Variants in MKRN2 observed in about 807,000 individuals in gnomAD.
MKRN2 encodes makorin ring finger protein 2, also known as E3 ubiquitin-protein ligase makorin-2.
MKRN2 carries 32 observed loss-of-function variants against 45.4 expected under a neutral mutation model. That is an observed-to-expected ratio of 0.70 (90% CI 0.53 to 0.95). The LOEUF is 0.95. Ranked by LOEUF, MKRN2 falls within the 40% of genes least tolerant of loss-of-function variation. The pLI is 0.00. For synonymous variants in MKRN2, 206 were observed against 192.4 expected (o/e 1.07, Z -0.59); for missense variants, 526 against 536.7 (o/e 0.98, Z 0.20).
chr3:12,572,757 G>A (rs1423909258), intron 4 of MKRN2, among the ~76,000 whole-genome samples: 1 of 151,716 alleles, frequency 6.6e-6, no homozygotes, highest in Non-Finnish European at 1.5e-5. Context: ...GCTACTTTTT[G>A]TATTTTTAGG....
At chr3:12,567,679 C>T (rs2058077497) in intron 1 of MKRN2, among the ~76,000 whole-genome samples, 1 of 151,834 alleles carries the variant, frequency 6.6e-6, no homozygotes, top group South Asian at 2.1e-4. Context: ...TTAGTAGAGA[C>T]GGGGTTTCTC....
intron 3 of MKRN2, 86 bp downstream of exon 3, chr3:12,570,338 A>C: frequency 1.5e-6 from 2 of 1,374,068 alleles, no homozygotes; most frequent in Non-Finnish European, 2.0e-6. Flanking sequence ...CCTCTTGTCA[A>C]GAGGACTCCT....
chr3:12,572,422 T>C, intron 4 of MKRN2, 49 bp downstream of exon 4: 1 of 1,498,516 alleles, frequency 6.7e-7, no homozygotes, highest in Non-Finnish European at 9.0e-7. Context: ...ATCTGAAATG[T>C]ACTGAACAGG....
At chr3:12,581,673 C>G (rs766430667) in intron 6 of MKRN2, 135 bp from the exon 7 acceptor site, 157 of 921,666 alleles carry the variant, frequency 1.7e-4, no homozygotes, top group Non-Finnish European at 2.5e-4. Context: ...CCTCTCCCAG[C>G]CTCAGCTGCC....
intron 3 of MKRN2, among the ~76,000 whole-genome samples, chr3:12,571,221 T>C (rs2648306): frequency 0.64 from 97,682 of 151,922 alleles, 33,743 homozygotes; most frequent in African/African-American, 0.88. Context: ...AGGGATTCTC[T>C]TGCCTCAGCC....
chr3:12,565,139 A>G (rs905930277), intron 1 of MKRN2, among the ~76,000 whole-genome samples: 7 of 152,244 alleles, frequency 4.6e-5, no homozygotes, highest in Non-Finnish European at 8.8e-5. Flanking sequence ...GTACATACCT[A>G]GGCGTAGAAT....
chr3:12,573,267 G>A (rs1483155363), intron 4 of MKRN2, among the ~76,000 whole-genome samples: 1 of 152,068 alleles, frequency 6.6e-6, no homozygotes, highest in Non-Finnish European at 1.5e-5. Flanking sequence ...ACTCACACCT[G>A]TAATCCCAGC....
chr3:12,563,374 C>T (rs1016528904), intron 1 of MKRN2, among the ~76,000 whole-genome samples: 21 of 151,696 alleles, frequency 1.4e-4, no homozygotes, highest in African/African-American at 4.1e-4. Context: ...CTGATTGGGG[C>T]GGATGTGCAG....
At chr3:12,575,459 C>G (rs970826520) in intron 5 of MKRN2, among the ~76,000 whole-genome samples, 3 of 152,278 alleles carry the variant, frequency 2.0e-5, no homozygotes, top group African/African-American at 7.2e-5. Context: ...ATGGGATGTG[C>G]TCAATGTGGC....
chr3:12,576,941 T>G (rs1035388577), intron 6 of MKRN2, 200 bp downstream of exon 6: 41 of 257,640 alleles, frequency 1.6e-4, no homozygotes, highest in Middle Eastern at 1.1e-3. Context: ...GTGTTTTTTT[T>G]TTTTTTTTTT....
At chr3:12,559,793 G>A (rs756956705) in intron 1 of MKRN2, among the ~76,000 whole-genome samples, 2 of 152,036 alleles carry the variant, frequency 1.3e-5, no homozygotes, top group Admixed American at 6.6e-5. Flanking sequence ...GTCTGTTTTC[G>A]GAGCCCTGGG....
chr3:12,572,335 C>A lies in MKRN2; in HGVS notation c.604C>A (p.His202Asn). The A allele has an allele frequency of 6.2e-7, 1 of 1,602,484 alleles. No homozygotes were observed. Among genetic ancestry groups the A allele is most frequent in the Non-Finnish European group, 8.5e-7 (1 of 1,171,726 alleles). Reference sequence around the variant, plus strand: ...TGAAATCTGTAGGCTGCAAGTCTTGCACCCATTCGACCCAGAGCAGAGGAA... The same window carrying A: ...TGAAATCTGTAGGCTGCAAGTCTTGAACCCATTCGACCCAGAGCAGAGGAA... ...VCEICRLQVL[H>N]PFDPEQRKAH... The change falls in exon 4 of 8, where the codon CAC becomes AAC. Residue 202 changes from histidine to asparagine, a missense_variant. His to Asn is a moderately conservative substitution (Grantham distance 68). Coordinates refer to ENST00000170447, the MANE Select transcript of MKRN2 (RefSeq NM_014160.5).
At chr3:12,574,563 C>T (rs1469739451) in intron 4 of MKRN2, among the ~76,000 whole-genome samples, 1 of 152,178 alleles carries the variant, frequency 6.6e-6, no homozygotes, top group Admixed American at 6.5e-5. Context: ...GACCATGTCA[C>T]CTCCTAGGAA....
chr3:12,566,633 G>T (rs551888515), intron 1 of MKRN2, among the ~76,000 whole-genome samples: 1 of 151,910 alleles, frequency 6.6e-6, no homozygotes, highest in Non-Finnish European at 1.5e-5. Context: ...GTGGAGTTTC[G>T]CTCTTATTGC....
At chr3:12,575,885 T>C (rs938919660) in intron 5 of MKRN2, among the ~76,000 whole-genome samples, 1 of 151,942 alleles carries the variant, frequency 6.6e-6, no homozygotes, top group African/African-American at 2.4e-5. Context: ...TGTTCCATTG[T>C]ATGGACGCAG....
Position 12,574,791 on chromosome 3 carries a change from G to T in MKRN2, c.643-1G>T. On this transcript the variant is annotated splice_acceptor_variant, in intron 4 of 7. Transcript: ENST00000170447. LOFTEE classifies it high-confidence loss of function. ...AGCCTTCCTTCCTGTCTGTGCTTCA[G>T]ATCTGCATGTTGACGTTCGAACACG... The T allele has an allele frequency of 6.2e-7, 1 of 1,612,508 alleles. No individual in the cohort carries two copies. The highest frequency in any genetic ancestry group is 1.1e-5 in the South Asian group (1 of 91,010).
At chr3:12,575,193 G>A (rs540491187) in intron 5 of MKRN2, among the ~76,000 whole-genome samples, 187 bp downstream of exon 5, 1 of 152,098 alleles carries the variant, frequency 6.6e-6, no homozygotes, top group African/African-American at 2.4e-5. Flanking sequence ...TAAAAGATGG[G>A]CAACAATTCC....
At position 12,567,723 on chromosome 3, in the gene MKRN2, T is replaced by G. The variant is rs574223049; in HGVS notation, c.27-1152T>G. On this transcript the variant is annotated intron_variant, in intron 1 of 7. Coordinates refer to ENST00000170447, the MANE Select transcript of MKRN2 (RefSeq NM_014160.5). Reference sequence around the variant, plus strand: ...TCAGACTGGTCTGGAACCCCCGACCTCAGGTGATGCGCCCGCCTTGGCCTC... The same window carrying G: ...TCAGACTGGTCTGGAACCCCCGACCGCAGGTGATGCGCCCGCCTTGGCCTC... Among the ~76,000 whole-genome samples the G allele has an allele frequency of 4.1e-4, 62 of 152,134 alleles. 1 individual carries two copies. The highest frequency in any genetic ancestry group is 1.3e-3 in the African/African-American group (56 of 41,506).
At chr3:12,560,825 A>C (rs1234380044) in intron 1 of MKRN2, 7 of 152,230 alleles carry the variant, frequency 4.6e-5, no homozygotes, top group Non-Finnish European at 1.0e-4. Flanking sequence ...TTCATGTCTC[A>C]GTCGTCTCTC....
Sources: allele counts gnomAD v4.1 joint callset (sites outside exome capture counted in the v4.1 genomes callset), GRCh38; gene constraint gnomAD v4.1.1; transcripts MANE v1.5; gene names NCBI Gene and HGNC (gene_info 2026-07-23, HGNC 2026-07-21).